Variants in GPC6 observed in about 807,000 individuals in gnomAD.
GPC6 encodes glypican-6.
In GPC6, 14 loss-of-function variants were observed where a neutral mutation model predicts 55.2. The observed-to-expected ratio is 0.25, with a 90% CI of 0.17 to 0.40. GPC6 has a LOEUF of 0.40. Ranked by LOEUF, GPC6 falls within the 10% of genes least tolerant of loss-of-function variation. The pLI is 1.00. For missense variants in GPC6, 641 were observed against 708.5 expected (o/e 0.90, Z 1.08); for synonymous variants, 278 against 259.6 (o/e 1.07, Z -0.68).
At chr13:94,332,467 GT>G (rs1211820193) in intron 6 of GPC6, among the ~76,000 whole-genome samples, 2 of 152,240 alleles carry the variant, frequency 1.3e-5, no homozygotes, top group Non-Finnish European at 2.9e-5. Flanking sequence ...CATTTTGCAA[GT>G]TTTTATCAAA....
At chr13:93,494,274 G>A (rs1490991108) in intron 1 of GPC6, among the ~76,000 whole-genome samples, 4 of 137,368 alleles carry the variant, frequency 2.9e-5, no homozygotes, top group Non-Finnish European at 6.2e-5. Context: ...TTACCATTAT[G>A]TAATGGCCTT....
intron 2 of GPC6, among the ~76,000 whole-genome samples, chr13:93,744,955 A>G (rs183070605): frequency 2.0e-5 from 3 of 151,570 alleles, no homozygotes; most frequent in East Asian, 1.9e-4. Context: ...AAAAGTATAT[A>G]TATCTCAAAT....
chr13:93,475,398 G>C (rs1339826137), intron 1 of GPC6, among the ~76,000 whole-genome samples: 1 of 97,184 alleles, frequency 1.0e-5, no homozygotes, highest in African/African-American at 3.9e-5. Flanking sequence ...GAATGAAACT[G>C]TATGATAGTA....
At chr13:93,490,462 T>TTC (rs1331185192) in intron 1 of GPC6, among the ~76,000 whole-genome samples, 1 of 140,946 alleles carries the variant, frequency 7.1e-6, no homozygotes, top group South Asian at 2.2e-4. Flanking sequence ...TATTATTTCT[T>TTC]TTTTTTTTTT....
intron 3 of GPC6, among the ~76,000 whole-genome samples, chr13:93,881,788 T>C (rs1375348550): frequency 1.3e-5 from 2 of 152,166 alleles, no homozygotes; most frequent in Admixed American, 1.3e-4. Context: ...GTGTTCATTC[T>C]AGCCTCAATG....
intron 2 of GPC6, among the ~76,000 whole-genome samples, chr13:93,575,322 A>T (rs140208460): frequency 1.6e-3 from 241 of 152,276 alleles, no homozygotes; most frequent in Admixed American, 3.8e-3. Context: ...ATTGTCTATT[A>T]CATATGACTT....
intron 1 of GPC6, among the ~76,000 whole-genome samples, chr13:93,391,137 T>C (rs544768503): frequency 2.0e-5 from 3 of 152,208 alleles, no homozygotes; most frequent in African/African-American, 4.8e-5. Flanking sequence ...AGTGCTAAAA[T>C]ACCAGAAATT....
At chr13:94,198,070 C>T (rs937970288) in intron 4 of GPC6, among the ~76,000 whole-genome samples, 8 of 152,116 alleles carry the variant, frequency 5.3e-5, no homozygotes, top group Admixed American at 2.6e-4. Flanking sequence ...AATTATATTT[C>T]CCACTGATCA....
intron 1 of GPC6, among the ~76,000 whole-genome samples, chr13:93,468,201 G>A (rs563228271): frequency 2.0e-5 from 3 of 151,662 alleles, no homozygotes; most frequent in African/African-American, 7.3e-5. Flanking sequence ...ACATATACAC[G>A]AATATCTTCA....
intron 1 of GPC6, among the ~76,000 whole-genome samples, chr13:93,319,602 C>G (rs1009370796): frequency 6.6e-6 from 1 of 151,984 alleles, no homozygotes; most frequent in Admixed American, 6.6e-5. Context: ...GAAAATAGAA[C>G]AAGTAGAACA....
intron 2 of GPC6, among the ~76,000 whole-genome samples, chr13:93,645,935 T>G (rs908718313): frequency 1.3e-5 from 2 of 152,018 alleles, no homozygotes; most frequent in African/African-American, 4.8e-5. Flanking sequence ...CCCCCGACCC[T>G]CCCCAGATAT....
chr13:94,019,857 G>C (rs1377798921), intron 3 of GPC6, among the ~76,000 whole-genome samples: 1 of 152,126 alleles, frequency 6.6e-6, no homozygotes, highest in Non-Finnish European at 1.5e-5. Context: ...GTAAGATTGA[G>C]AGTAATGTTC....
chr13:93,608,665 A>G (rs1268336237), intron 2 of GPC6, among the ~76,000 whole-genome samples: 1 of 152,176 alleles, frequency 6.6e-6, no homozygotes, highest in Non-Finnish European at 1.5e-5. Flanking sequence ...ATAGTCCTAG[A>G]AAAGAAGGCA....
intron 2 of GPC6, among the ~76,000 whole-genome samples, chr13:93,601,352 C>T (rs138278540): frequency 2.6e-5 from 4 of 152,040 alleles, no homozygotes; most frequent in Non-Finnish European, 4.4e-5. Flanking sequence ...CACTACATTC[C>T]AGCCTGGGTG....
At chr13:94,144,311 C>CGCAGTGTGG (rs1318433659) in intron 4 of GPC6, among the ~76,000 whole-genome samples, 1 of 151,672 alleles carries the variant, frequency 6.6e-6, no homozygotes, top group African/African-American at 2.4e-5. Flanking sequence ...CCAAAATATA[C>CGCAGTGTGG]GCAGTGTGGA....
At chr13:93,385,430 A>G (rs147238495) in intron 1 of GPC6, among the ~76,000 whole-genome samples, 2 of 152,368 alleles carry the variant, frequency 1.3e-5, no homozygotes, top group Non-Finnish European at 2.9e-5. Context: ...TCTGTGATTT[A>G]TGCTTTGAAA....
chr13:93,542,229 G>T, intron 1 of GPC6, among the ~76,000 whole-genome samples: 1 of 152,158 alleles, frequency 6.6e-6, no homozygotes, highest in Non-Finnish European at 1.5e-5. Flanking sequence ...TCCAGTTTCA[G>T]CTTTCTACAT....
At chr13:93,738,180 G>A (rs920940802) in intron 2 of GPC6, among the ~76,000 whole-genome samples, 5 of 152,084 alleles carry the variant, frequency 3.3e-5, no homozygotes, top group Non-Finnish European at 7.4e-5. Context: ...AATAGTCTTC[G>A]AATATATCTT....
intron 6 of GPC6, among the ~76,000 whole-genome samples, chr13:94,348,896 G>A (rs185078539): frequency 6.6e-6 from 1 of 152,110 alleles, no homozygotes; most frequent in Non-Finnish European, 1.5e-5. Flanking sequence ...AAATTCAACA[G>A]AGCAAAAACG....
Sources: gnomAD v4.1 joint callset for allele counts (sites outside exome capture counted in the v4.1 genomes callset) on GRCh38, gnomAD v4.1.1 for gene constraint, MANE v1.5 for transcripts, NCBI Gene and HGNC (gene_info 2026-07-23, HGNC 2026-07-21) for gene names.